Variants in ABCB5 observed in about 807,000 individuals in gnomAD.
The protein encoded by ABCB5 is ATP binding cassette subfamily B member 5.
A neutral mutation model predicts 144.2 loss-of-function variants in ABCB5; 155 were observed. The observed-to-expected ratio is 1.08, with a 90% CI of 0.94 to 1.23. ABCB5 has a LOEUF of 1.23. Ranked by LOEUF, ABCB5 falls within the 50% of genes most tolerant of loss-of-function variation. The pLI, the probability that ABCB5 is intolerant of heterozygous loss-of-function variation, is 0.00. For missense variants in ABCB5, 1,830 were observed against 1,520.8 expected (o/e 1.20, Z -3.38); for synonymous variants, 610 against 528.6 (o/e 1.15, Z -2.11).
intron 21 of ABCB5, 137 bp from the exon 22 acceptor site, chr7:20,726,903 C>T (rs1562581641): frequency 6.3e-6 from 3 of 477,656 alleles, no homozygotes; most frequent in Non-Finnish European, 1.1e-5. Context: ...GGAAAGGAAG[C>T]TAAGAATATT....
At chr7:20,633,072 C>T (rs1318757461) in intron 5 of ABCB5, among the ~76,000 whole-genome samples, 3 of 151,130 alleles carry the variant, frequency 2.0e-5, no homozygotes, top group Admixed American at 1.3e-4. Flanking sequence ...TAAAAATCAA[C>T]AAATAGTAAA....
chr7:20,723,607 T>C (rs1204587654), intron 21 of ABCB5, among the ~76,000 whole-genome samples: 1 of 152,218 alleles, frequency 6.6e-6, no homozygotes, highest in Non-Finnish European at 1.5e-5. Context: ...TAAAACACAA[T>C]GTTATTATAC....
chr7:20,618,764 CTTTTTTT>C (rs59970398), intron 1 of ABCB5, among the ~76,000 whole-genome samples: 18 of 51,570 alleles, frequency 3.5e-4, no homozygotes, highest in East Asian at 2.8e-3. Context: ...GCTGCATTTT[CTTTTTTT>C]TTTTTTTTTT....
At chr7:20,745,492 G>C (rs1042448159) in intron 26 of ABCB5, 54 bp downstream of exon 26, 9 of 1,525,282 alleles carry the variant, frequency 5.9e-6, no homozygotes, top group Non-Finnish European at 6.3e-6. Flanking sequence ...AGGCTAAGTA[G>C]CTACTGGGCC....
At chr7:20,625,723 C>G (rs536009019) in intron 2 of ABCB5, among the ~76,000 whole-genome samples, 1 of 152,230 alleles carries the variant, frequency 6.6e-6, no homozygotes, top group East Asian at 1.9e-4. Context: ...GGTGCAGTTG[C>G]TATGGTGCAG....
chr7:20,719,367 A>G (rs1013210311), intron 20 of ABCB5, among the ~76,000 whole-genome samples: 2 of 152,188 alleles, frequency 1.3e-5, no homozygotes, highest in Non-Finnish European at 2.9e-5. Context: ...TACATATTTG[A>G]AGGTATTTTA....
chr7:20,673,445 A>C (rs1399118060), intron 14 of ABCB5, among the ~76,000 whole-genome samples: 1 of 152,058 alleles, frequency 6.6e-6, no homozygotes, highest in African/African-American at 2.4e-5. Context: ...GAACTGTGTT[A>C]TTACACACAT....
intron 11 of ABCB5, 26 bp downstream of exon 11, chr7:20,648,104 G>T: frequency 7.2e-7 from 1 of 1,387,888 alleles, no homozygotes; most frequent in East Asian, 2.3e-5. Context: ...TTACGCAATT[G>T]TGCAGTTTTC....
intron 14 of ABCB5, among the ~76,000 whole-genome samples, chr7:20,671,977 G>C (rs991766274): frequency 1.1e-4 from 16 of 152,152 alleles, no homozygotes; most frequent in Non-Finnish European, 1.6e-4. Flanking sequence ...CACTTCATAT[G>C]GTCATTTATT....
intron 11 of ABCB5, among the ~76,000 whole-genome samples, chr7:20,649,544 T>C (rs1421547584): frequency 9.9e-5 from 15 of 152,174 alleles, no homozygotes; most frequent in Admixed American, 9.8e-4. Context: ...CCACCAAGGT[T>C]TCTAATGATA....
intron 12 of ABCB5, among the ~76,000 whole-genome samples, chr7:20,650,665 A>G (rs560238409): frequency 9.2e-5 from 14 of 152,146 alleles, no homozygotes; most frequent in African/African-American, 3.4e-4. Context: ...AAAGTGATTA[A>G]TTCTTAATGC....
intron 2 of ABCB5, among the ~76,000 whole-genome samples, chr7:20,624,358 G>C (rs1421170780): frequency 6.6e-6 from 1 of 152,152 alleles, no homozygotes; most frequent in Non-Finnish European, 1.5e-5. Flanking sequence ...CCCTGTGACT[G>C]TTTCTTCATC....
At chr7:20,688,403 G>A (rs77320744) in intron 16 of ABCB5, among the ~76,000 whole-genome samples, 5,645 of 152,138 alleles carry the variant, frequency 0.037, 130 homozygotes, top group Middle Eastern at 0.061. Flanking sequence ...GTTGGGTAGC[G>A]AAAGTTAAGA....
At chr7:20,671,623 T>G (rs1193586225) in intron 14 of ABCB5, among the ~76,000 whole-genome samples, 3 of 152,250 alleles carry the variant, frequency 2.0e-5, no homozygotes, top group African/African-American at 7.2e-5. Flanking sequence ...ATTTTGAGAC[T>G]CATCCATGTT....
chr7:20,686,882 G>C (rs957298189), intron 16 of ABCB5, among the ~76,000 whole-genome samples: 1 of 152,008 alleles, frequency 6.6e-6, no homozygotes, highest in Non-Finnish European at 1.5e-5. Context: ...TGAAGCCCCT[G>C]GATTATCTGC....
At chr7:20,663,163 G>A (rs1217437610) in intron 14 of ABCB5, among the ~76,000 whole-genome samples, 9 of 152,266 alleles carry the variant, frequency 5.9e-5, no homozygotes, top group African/African-American at 2.2e-4. Context: ...TTACACTGCC[G>A]GGAGGTGGAG....
rs556470527 is a variant in ABCB5 at position 20,655,856 on chromosome 7, A to G, written c.1537-2650A>G. 4.3e-3 allele frequency among the ~76,000 whole-genome samples: 649 copies of G among 152,352 alleles called. 3 individuals are homozygous for G. Among genetic ancestry groups the G allele is most frequent in the Non-Finnish European group, 7.1e-3 (480 of 68,022 alleles). Reference sequence around the variant, plus strand: ...TCAAAAGACCAACAATAGCCAAAACAATTTTGAAAGAAAGACCAAAGCTGG... The same window carrying G: ...TCAAAAGACCAACAATAGCCAAAACGATTTTGAAAGAAAGACCAAAGCTGG... On this transcript the variant is annotated intron_variant, in intron 13 of 27. Coordinates refer to ENST00000404938, the MANE Select transcript of ABCB5 (RefSeq NM_001163941.2).
chr7:20,725,112 C>T (rs932490730), intron 21 of ABCB5, among the ~76,000 whole-genome samples: 4 of 152,134 alleles, frequency 2.6e-5, no homozygotes, highest in Non-Finnish European at 4.4e-5. Context: ...ATTAGAGCAA[C>T]CTCAGACTAT....
At chr7:20,656,917 T>C (rs1046656882) in intron 13 of ABCB5, among the ~76,000 whole-genome samples, 4 of 144,526 alleles carry the variant, frequency 2.8e-5, no homozygotes, top group East Asian at 2.0e-4. Flanking sequence ...TTTTTCTTTT[T>C]TTTTTTTTTT....
Sources: gnomAD v4.1 joint callset for allele counts (sites outside exome capture counted in the v4.1 genomes callset) on GRCh38, gnomAD v4.1.1 for gene constraint, MANE v1.5 for transcripts, NCBI Gene and HGNC (gene_info 2026-07-23, HGNC 2026-07-21) for gene names.